UBE2D2: variants seen among roughly 807,000 people sequenced by gnomAD.
UBE2D2 encodes the protein ubiquitin conjugating enzyme E2 D2.
In UBE2D2, 2 loss-of-function variants were observed where a neutral mutation model predicts 24.2. The ratio of observed to expected loss-of-function variants is 0.08; its 90% CI spans 0.03 to 0.26. The LOEUF (loss-of-function observed/expected upper bound fraction) is 0.26. Ranked by LOEUF, UBE2D2 falls within the 10% of genes least tolerant of loss-of-function variation. The pLI is 1.00. For synonymous variants in UBE2D2, 58 were observed against 56.5 expected, an observed-to-expected ratio of 1.03 and a Z score of -0.12; for missense variants, 44 against 177.6, an observed-to-expected ratio of 0.25 and a Z score of 4.28.
intron 1 of UBE2D2, among the ~76,000 whole-genome samples, chr5:139,536,996 G>A (rs758143040): frequency 6.6e-5 from 10 of 151,938 alleles, no homozygotes; most frequent in Non-Finnish European, 7.4e-5. Context: ...TGGCTAACAT[G>A]GTGAAACCCC....
intron 1 of UBE2D2, among the ~76,000 whole-genome samples, chr5:139,547,852 G>A (rs1752853615): frequency 6.6e-6 from 1 of 151,638 alleles, no homozygotes; most frequent in Non-Finnish European, 1.5e-5. Context: ...CTGCCACCAC[G>A]CCCAGCTAAT....
chr5:139,557,460 T>C (rs767691161), upstream of UBE2D2, among the ~76,000 whole-genome samples: 192 of 152,150 alleles, frequency 1.3e-3, 1 homozygote, highest in Middle Eastern at 3.4e-3. Context: ...TATAAATCAA[T>C]ATCCCAGCTG....
In UBE2D2 at chr5:139,544,289, A is replaced by ATT. The variant is rs370898297; in HGVS notation, c.-64+17692_-64+17693dup. On this transcript the variant is annotated intron_variant, in intron 1 of 6. Coordinates refer to the UBE2D2 transcript ENST00000511725. The stretch of plus-strand genomic sequence containing the variant: ...GAGATTACAGGTGTGAGCCACTGCA[A>ATT]TTTTTTTTTTTTTTTTAGACAGAGT... Among the ~76,000 whole-genome samples the ATT allele has an allele frequency of 9.3e-3, 1,219 of 131,378 alleles. 4 individuals carry two copies. Among genetic ancestry groups the ATT allele is most frequent in the African/African-American group, 0.029 (1,024 of 35,494 alleles). The allele number at this position is 131,378 out of a possible 152,430, so 86.2% of individuals were successfully genotyped here.
chr5:139,603,425 C>T (rs932858409), intron 2 of UBE2D2, among the ~76,000 whole-genome samples: 3 of 151,648 alleles, frequency 2.0e-5, no homozygotes, highest in Non-Finnish European at 2.9e-5. Flanking sequence ...GAGTTCAAGA[C>T]CAGCCTGGCC....
rs577653784 is a variant in UBE2D2, at chr5:139,546,316, A to G, written c.-64+19704A>G. On this transcript the variant is annotated intron_variant, in intron 1 of 6. Transcript: ENST00000511725. The stretch of plus-strand genomic sequence containing the variant: ...CTTGGCTTCCCAAAGTGCTGGGATT[A>G]CAGGCATGAGCCACTGAGCCTGGCT... 3.3e-5 allele frequency among the ~76,000 whole-genome samples: 5 copies of G among 152,204 alleles called. No homozygotes were observed. In the East Asian group the frequency reaches 7.8e-4, roughly 24 times the overall value.
At chr5:139,539,033 CT>C (rs1005691130) in intron 1 of UBE2D2, among the ~76,000 whole-genome samples, 1 of 151,456 alleles carries the variant, frequency 6.6e-6, no homozygotes, top group East Asian at 1.9e-4. Flanking sequence ...AAGTCAATCT[CT>C]TTTTTTTTGA....
At position 139,561,658 on chromosome 5, in the gene UBE2D2, AC is replaced by A; in HGVS notation, c.-131del. The A allele has an allele frequency of 1.6e-6, 1 of 620,528 alleles. No homozygotes were observed. The highest frequency in any genetic ancestry group is 2.6e-6 in the Non-Finnish European group (1 of 391,750). 38.4% of individuals were successfully genotyped at this position (620,528 alleles called of 1,614,324 possible). The stretch of plus-strand genomic sequence containing the variant: ...CCCGGCCCTCAGCCCGTCCCGCCGG[AC>A]CCGCTTTCCTCAACTCTCCATCTTC... On this transcript the variant is annotated 5_prime_UTR_variant, in exon 1 of 7. Transcript: ENST00000398733.
intron 1 of UBE2D2, among the ~76,000 whole-genome samples, chr5:139,589,990 TAGTC>T (rs1486192658): frequency 6.6e-6 from 1 of 152,118 alleles, no homozygotes; most frequent in Non-Finnish European, 1.5e-5. Flanking sequence ...TTCACTGTGT[TAGTC>T]AGGATGGTCT....
intron 5 of UBE2D2, among the ~76,000 whole-genome samples, chr5:139,617,503 A>T (rs1446317942): frequency 6.6e-6 from 1 of 151,014 alleles, no homozygotes; most frequent in East Asian, 2.0e-4. Flanking sequence ...CAGCCTCCCA[A>T]GTAGCTGGGA....
chr5:139,552,509 CTTTTTTT>C (rs35945797), intron 1 of UBE2D2, among the ~76,000 whole-genome samples: 10 of 124,218 alleles, frequency 8.1e-5, no homozygotes, highest in South Asian at 2.5e-4. Context: ...TTTCTTTTTT[CTTTTTTT>C]TTTTTTTTTG....
At chr5:139,567,620 G>C (rs1753259206) in intron 1 of UBE2D2, among the ~76,000 whole-genome samples, 1 of 144,308 alleles carries the variant, frequency 6.9e-6, no homozygotes, top group Non-Finnish European at 1.5e-5. Context: ...TGCAAGCTCT[G>C]CCTCCTGGGT....
intron 1 of UBE2D2, among the ~76,000 whole-genome samples, chr5:139,533,049 A>G (rs1157457088): frequency 9.3e-5 from 14 of 150,864 alleles, no homozygotes; most frequent in Admixed American, 7.2e-4. Context: ...CGGAGGTTGC[A>G]GTAAGCTGAG....
At chr5:139,611,773 A>G (rs1370622704) in intron 2 of UBE2D2, among the ~76,000 whole-genome samples, 2 of 152,198 alleles carry the variant, frequency 1.3e-5, no homozygotes, top group African/African-American at 2.4e-5. Context: ...GTTTGACTTG[A>G]ATTAATGCTT....
At chr5:139,604,120 T>C (rs1326860197) in intron 2 of UBE2D2, among the ~76,000 whole-genome samples, 3 of 151,894 alleles carry the variant, frequency 2.0e-5, no homozygotes, top group South Asian at 2.1e-4. Context: ...AAGGGACATA[T>C]ATCCAGTATA....
chr5:139,604,895 A>C (rs1754166972), intron 2 of UBE2D2, among the ~76,000 whole-genome samples: 1 of 152,054 alleles, frequency 6.6e-6, no homozygotes, highest in African/African-American at 2.4e-5. Flanking sequence ...AAAAAAAAAA[A>C]ACAAGTATTG....
chr5:139,609,747 TTTTC>T lies in UBE2D2; in HGVS notation c.89-4823_89-4820del, dbSNP rs899854266. On this transcript the variant is annotated intron_variant, in intron 2 of 6. Transcript: ENST00000398733. ...CTTTCTTTTTTTCTTTTTTAAGTTG[TTTTC>T]TTTCTTTCTTTCTTTTTTTGTTTTT... is the stretch of plus-strand genomic sequence containing the variant. 4.6e-5 allele frequency among the ~76,000 whole-genome samples: 7 copies of T among 150,828 alleles called. No individual in the cohort carries two copies. In the East Asian group the frequency reaches 5.8e-4, roughly 13 times the overall value.
At chr5:139,581,007 GA>G (rs1042777700) in intron 1 of UBE2D2, among the ~76,000 whole-genome samples, 31 of 152,202 alleles carry the variant, frequency 2.0e-4, no homozygotes, top group Admixed American at 1.8e-3. Flanking sequence ...GAAATAAATT[GA>G]AATGGCGGAA....
At chr5:139,603,906 G>A (rs1396302915) in intron 2 of UBE2D2, among the ~76,000 whole-genome samples, 2 of 151,900 alleles carry the variant, frequency 1.3e-5, no homozygotes, top group Non-Finnish European at 2.9e-5. Context: ...CCGAGATCAC[G>A]CCATTGCACT....
At chr5:139,546,817 T>TCTTTCTTC (rs1203962652) in intron 1 of UBE2D2, among the ~76,000 whole-genome samples, 6 of 138,302 alleles carry the variant, frequency 4.3e-5, no homozygotes, top group Non-Finnish European at 9.3e-5. Context: ...CTTCTTTCTT[T>TCTTTCTTC]CTTCCTTCCT....
Sources: allele counts gnomAD v4.1 joint callset (sites outside exome capture counted in the v4.1 genomes callset), GRCh38; gene constraint gnomAD v4.1.1; transcripts MANE v1.5; gene names NCBI Gene and HGNC (gene_info 2026-07-23, HGNC 2026-07-21).